Variants in CTNNA2 observed in about 807,000 individuals in gnomAD.
The protein encoded by CTNNA2 is catenin alpha-2.
CTNNA2 carries 42 observed loss-of-function variants against 101.0 expected under a neutral mutation model. The observed-to-expected ratio is 0.42, with a 90% CI of 0.32 to 0.54. The LOEUF is 0.54. Ranked by LOEUF, CTNNA2 falls within the 20% of genes least tolerant of loss-of-function variation. The probability of loss-of-function intolerance (pLI) is 0.14; values close to 1 mark genes in which losing one functional copy is unlikely to be tolerated. For missense variants in CTNNA2, 871 were observed against 1,223.1 expected, an observed-to-expected ratio of 0.71 and a Z score of 4.29; for synonymous variants, 450 against 456.4, an observed-to-expected ratio of 0.99 and a Z score of 0.18.
chr2:80,590,159 A>G (rs1052740005), intron 15 of CTNNA2, among the ~76,000 whole-genome samples: 4 of 152,194 alleles, frequency 2.6e-5, no homozygotes, highest in African/African-American at 9.6e-5. Context: ...GCTCTTTTCT[A>G]TCATTGCATT....
intron 2 of CTNNA2, among the ~76,000 whole-genome samples, chr2:79,247,449 C>G (rs796475131): frequency 9.2e-5 from 14 of 152,310 alleles, no homozygotes; most frequent in African/African-American, 3.4e-4. Context: ...CATCAGGGCA[C>G]TTATTTTGGA....
At chr2:79,261,385 A>G (rs184800709) in intron 2 of CTNNA2, among the ~76,000 whole-genome samples, 160 of 152,336 alleles carry the variant, frequency 1.1e-3, no homozygotes, top group African/African-American at 3.7e-3. Flanking sequence ...GAGGGTAGTA[A>G]TAGCTGGAGT....
chr2:79,788,131 T>C (rs528974533), intron 3 of CTNNA2, among the ~76,000 whole-genome samples: 2 of 152,060 alleles, frequency 1.3e-5, no homozygotes, highest in African/African-American at 2.4e-5. Context: ...TGCCAAGGAG[T>C]TTGGAAACTT....
chr2:80,271,668 T>C (rs1673501514), intron 7 of CTNNA2, among the ~76,000 whole-genome samples: 1 of 152,092 alleles, frequency 6.6e-6, no homozygotes, highest in Non-Finnish European at 1.5e-5. Context: ...GTGATCTACC[T>C]GCCTCGGCCT....
In CTNNA2 at chr2:80,380,271, T is replaced by C. The variant is rs1429278600; in HGVS notation, c.1057-12940T>C. 1.1e-4 allele frequency among the ~76,000 whole-genome samples: 16 copies of C among 152,166 alleles called. No individual in the cohort carries two copies. In the East Asian group the frequency reaches 1.4e-3, roughly 13 times the overall value. On this transcript the variant is annotated intron_variant, in intron 7 of 18. Coordinates refer to ENST00000402739, the MANE Select transcript of CTNNA2 (RefSeq NM_001282597.3). ...CAGGATAATCTCGATCTCCTGACTT[T>C]GTGATCCTCCCACCTTGGCCTCCCA... is the stretch of plus-strand genomic sequence containing the variant.
intron 2 of CTNNA2, among the ~76,000 whole-genome samples, chr2:79,310,794 G>GA (rs1220361177): frequency 1.3e-5 from 2 of 152,092 alleles, no homozygotes; most frequent in African/African-American, 2.4e-5. Context: ...AAGACTTCCA[G>GA]AAAAAAATAT....
chr2:79,923,796 T>C (rs1686836852), intron 7 of CTNNA2, among the ~76,000 whole-genome samples: 1 of 152,182 alleles, frequency 6.6e-6, no homozygotes, highest in South Asian at 2.1e-4. Context: ...TCTCTGTTTC[T>C]ATGGGATCCG....
intron 1 of CTNNA2, among the ~76,000 whole-genome samples, chr2:79,631,829 C>A (rs1261191880): frequency 1.3e-5 from 2 of 152,156 alleles, no homozygotes; most frequent in African/African-American, 4.8e-5. Context: ...CTGAAGCATG[C>A]CTCACCCTAG....
chr2:79,480,113 AG>A (rs1317535894), intron 4 of CTNNA2, among the ~76,000 whole-genome samples: 1 of 152,008 alleles, frequency 6.6e-6, no homozygotes, highest in Non-Finnish European at 1.5e-5. Context: ...GGGAAAGAGG[AG>A]GCAAGAGAGA....
intron 3 of CTNNA2, among the ~76,000 whole-genome samples, chr2:79,315,501 A>G (rs1362745219): frequency 6.6e-6 from 1 of 152,184 alleles, no homozygotes; most frequent in East Asian, 1.9e-4. Context: ...GAATCTTACA[A>G]TGCATGGTCT....
intron 1 of CTNNA2, among the ~76,000 whole-genome samples, chr2:79,615,029 G>A (rs1004401694): frequency 2.0e-5 from 3 of 152,138 alleles, no homozygotes; most frequent in Non-Finnish European, 4.4e-5. Context: ...GTGTGTGGTT[G>A]ACGAGAGAGC....
chr2:79,577,687 T>G lies in CTNNA2; in HGVS notation c.-6+64480T>G, dbSNP rs539148727. On this transcript the variant is annotated intron_variant, in intron 1 of 18. Coordinates refer to ENST00000402739, the MANE Select transcript of CTNNA2 (RefSeq NM_001282597.3). The stretch of plus-strand genomic sequence containing the variant: ...CAGTGACTTTTTCCTCCCATGATTT[T>G]GAAACCTTATTAGGTCAGGTGTATA... Among the ~76,000 whole-genome samples, 19 of 152,254 alleles carry G rather than the reference T, an allele frequency of 1.2e-4. No individual in the cohort carries two copies. In the South Asian group the frequency reaches 3.9e-3, roughly 32 times the overall value.
intron 7 of CTNNA2, among the ~76,000 whole-genome samples, chr2:80,071,018 C>A (rs1476881429): frequency 6.6e-6 from 1 of 152,192 alleles, no homozygotes; most frequent in Non-Finnish European, 1.5e-5. Context: ...CCTTAACTTA[C>A]TTGTGTCTGC....
chr2:79,649,783 T>C (rs1405504617), intron 1 of CTNNA2, among the ~76,000 whole-genome samples: 1 of 152,200 alleles, frequency 6.6e-6, no homozygotes. Context: ...ACATGGCATT[T>C]GGAGAGAGTT....
At chr2:79,257,288 C>A (rs1311668295) in intron 2 of CTNNA2, among the ~76,000 whole-genome samples, 2 of 151,802 alleles carry the variant, frequency 1.3e-5, no homozygotes, top group African/African-American at 4.8e-5. Flanking sequence ...CCACACCAAG[C>A]ACTGTGCCCA....
At chr2:79,923,463 G>A (rs977391870) in intron 7 of CTNNA2, among the ~76,000 whole-genome samples, 1 of 151,990 alleles carries the variant, frequency 6.6e-6, no homozygotes, top group Non-Finnish European at 1.5e-5. Context: ...AAATTGACAA[G>A]TAATAATTGT....
intron 7 of CTNNA2, among the ~76,000 whole-genome samples, chr2:80,049,720 C>A: frequency 6.6e-6 from 1 of 152,184 alleles, no homozygotes; most frequent in East Asian, 1.9e-4. Flanking sequence ...GCTGAGGGCA[C>A]TTCTGTATTC....
intron 2 of CTNNA2, among the ~76,000 whole-genome samples, chr2:79,286,379 C>T (rs1675581875): frequency 1.3e-5 from 2 of 152,154 alleles, no homozygotes; most frequent in Admixed American, 6.5e-5. Context: ...CATGATTTTG[C>T]AGCGGCTGGT....
intron 7 of CTNNA2, among the ~76,000 whole-genome samples, chr2:80,013,206 C>CAA (rs1289024956): frequency 6.6e-6 from 1 of 152,052 alleles, no homozygotes; most frequent in Non-Finnish European, 1.5e-5. Context: ...AAGAGGCCTG[C>CAA]AAACCCCTGG....
Sources: allele counts gnomAD v4.1 joint callset (sites outside exome capture counted in the v4.1 genomes callset), GRCh38; gene constraint gnomAD v4.1.1; transcripts MANE v1.5; gene names NCBI Gene and HGNC (gene_info 2026-07-23, HGNC 2026-07-21).